GOLGA1: variants seen among roughly 807,000 people sequenced by gnomAD.
The protein encoded by GOLGA1 is golgin subfamily A member 1.
GOLGA1 carries 63 observed loss-of-function variants against 119.7 expected under a neutral mutation model. The ratio of observed to expected loss-of-function variants is 0.53; its 90% CI spans 0.43 to 0.65. GOLGA1 has a LOEUF of 0.65. Ranked by LOEUF, GOLGA1 falls within the 30% of genes least tolerant of loss-of-function variation. The probability of loss-of-function intolerance (pLI) is 0.00; values close to 1 mark genes in which losing one functional copy is unlikely to be tolerated. For synonymous variants in GOLGA1, 318 were observed against 333.4 expected (o/e 0.95, Z 0.50); for missense variants, 798 against 912.8 (o/e 0.87, Z 1.62).
intron 19 of GOLGA1, among the ~76,000 whole-genome samples, chr9:124,883,140 C>G (rs919150643): frequency 1.3e-5 from 2 of 151,932 alleles, no homozygotes; most frequent in Admixed American, 1.3e-4. Context: ...CACTCTGTTG[C>G]CCAGGCTGGA....
chr9:124,882,514 T>A lies in GOLGA1; in HGVS notation c.1961A>T (p.Glu654Val). 1.2e-6 allele frequency: 2 copies of A among 1,610,440 alleles called. No individual in the cohort carries two copies. The highest frequency in any genetic ancestry group is 1.1e-5 in the South Asian group (1 of 90,880). Residue 654 changes from glutamate (E) to valine (V), a missense_variant, in exon 20 of 23, where the codon GAG becomes GTG. Transcript: ENST00000373555. Reference sequence around the variant, plus strand: ...AGCTCCCATGCGAGTACTCACCAGCTCCTTCTGCAGAGTCTTCCGGAGCTC... The same window carrying A: ...AGCTCCCATGCGAGTACTCACCAGCACCTTCTGCAGAGTCTTCCGGAGCTC... ...MLELRKTLQK[E>V]LKIRPDNELF...
chr9:124,915,158 G>A (rs1395269339), intron 10 of GOLGA1, among the ~76,000 whole-genome samples: 1 of 152,098 alleles, frequency 6.6e-6, no homozygotes, highest in African/African-American at 2.4e-5. Context: ...TCTGGGTGGT[G>A]GTCACTTGAT....
Position 124,878,875 on chromosome 9 carries a change from C to G in GOLGA1, c.*1655G>C, listed in dbSNP as rs1406593236. ...TACTTTGAAAAAAGGCTACCTCTTA[C>G]CCATCAAACTTGCAGAACAGAAGAG... On this transcript the variant is annotated 3_prime_UTR_variant, in exon 23 of 23. Transcript: ENST00000373555. 2 of 152,216 alleles carry G rather than the reference C, an allele frequency of 1.3e-5. No individual in the cohort carries two copies. The highest frequency in any genetic ancestry group is 4.8e-5 in the African/African-American group (2 of 41,454). 9.4% of individuals were successfully genotyped at this position (152,216 alleles called of 1,614,324 possible).
intron 12 of GOLGA1, among the ~76,000 whole-genome samples, chr9:124,904,951 A>AT (rs1474837220): frequency 2.0e-5 from 3 of 147,658 alleles, no homozygotes; most frequent in Middle Eastern, 6.9e-3. Flanking sequence ...CTCAAAAAAA[A>AT]AAAATAAATA....
chr9:124,908,748 A>G (rs1041950940), intron 11 of GOLGA1, among the ~76,000 whole-genome samples: 10 of 152,262 alleles, frequency 6.6e-5, no homozygotes, highest in African/African-American at 1.9e-4. Context: ...ACAGGGTGGG[A>G]GATACTCCCT....
chr9:124,939,366 A>G (rs930215974), intron 2 of GOLGA1, among the ~76,000 whole-genome samples: 1 of 152,130 alleles, frequency 6.6e-6, no homozygotes, highest in Non-Finnish European at 1.5e-5. Flanking sequence ...AAAAGGTGTA[A>G]TATCCTACTG....
intron 10 of GOLGA1, among the ~76,000 whole-genome samples, chr9:124,915,021 G>A (rs902822210): frequency 1.4e-4 from 21 of 152,218 alleles, no homozygotes; most frequent in African/African-American, 4.6e-4. Flanking sequence ...TGTGGACTAC[G>A]GGAACAGTTA....
At chr9:124,904,954 A>T (rs1201601157) in intron 12 of GOLGA1, among the ~76,000 whole-genome samples, 1 of 148,598 alleles carries the variant, frequency 6.7e-6, no homozygotes, top group Non-Finnish European at 1.5e-5. Flanking sequence ...AAAAAAAAAA[A>T]ATAAATAAAA....
intron 12 of GOLGA1, among the ~76,000 whole-genome samples, chr9:124,903,350 T>C (rs189477884): frequency 1.3e-5 from 2 of 152,096 alleles, no homozygotes; most frequent in East Asian, 3.9e-4. Flanking sequence ...TGGTGGTCTA[T>C]ATGTGTAGTC....
At chr9:124,939,631 C>T (rs1373933999) in intron 2 of GOLGA1, among the ~76,000 whole-genome samples, 2 of 135,390 alleles carry the variant, frequency 1.5e-5, no homozygotes, top group East Asian at 2.3e-4. Context: ...GGCACTATCT[C>T]GGCTCACCGC....
intron 12 of GOLGA1, among the ~76,000 whole-genome samples, chr9:124,907,706 C>T (rs1396793347): frequency 6.6e-6 from 1 of 152,120 alleles, no homozygotes; most frequent in Non-Finnish European, 1.5e-5. Context: ...AAGACAAGGC[C>T]AAACTCATTA....
Position 124,881,187 on chromosome 9 carries a change from T to G in GOLGA1, c.2207A>C (p.Glu736Ala), listed in dbSNP as rs775049095. ...GAACCCTACCTTATATTCCAGAGTTTCCTTGAGCATGTTCTCCTCCTCTTG... is the reference window on the plus strand; with the variant it reads ...GAACCCTACCTTATATTCCAGAGTTGCCTTGAGCATGTTCTCCTCCTCTTG... ...FSQEEENMLK[E>A]TLEYKMSWFG... The change falls in exon 22 of 23, where the codon GAA (glutamate) becomes GCA (alanine). Residue 736 changes from glutamate to alanine, a missense_variant. Glu to Ala is a moderately radical substitution (Grantham distance 107). Coordinates refer to ENST00000373555, the MANE Select transcript of GOLGA1 (RefSeq NM_002077.4). The surrounding 1 kb of genome is among the most constrained non-coding windows in gnomAD (Gnocchi z 4.9). The G allele has an allele frequency of 3.2e-6, 5 of 1,559,346 alleles. No homozygotes were observed. The highest frequency in any genetic ancestry group is 2.2e-5 in the South Asian group (2 of 90,084).
At position 124,890,439 on chromosome 9, in the gene GOLGA1, C is replaced by T. The variant is rs1447868507; in HGVS notation, c.1447G>A (p.Ala483Thr). 6.2e-7 allele frequency: 1 copy of T among 1,613,932 alleles called. No homozygotes were observed. The highest frequency in any genetic ancestry group is 1.7e-5 in the Admixed American group (1 of 60,022). ...TTCCGCACCTCCTCCAGGGCTTGAG[C>T]CATGGCCACGCTCACAATTTCTCTT... The part of the protein sequence containing the change: ...SQREIVSVAM[A>T]QALEEVRKQR... Residue 483 changes from alanine to threonine, a missense_variant, in exon 16 of 23, where the codon GCT (alanine) becomes ACT (threonine). Transcript: ENST00000373555.
At chr9:124,934,969 C>T (rs557892027) in intron 3 of GOLGA1, among the ~76,000 whole-genome samples, 17 of 152,202 alleles carry the variant, frequency 1.1e-4, no homozygotes, top group Admixed American at 3.9e-4. Context: ...ATCGCTTGAG[C>T]CCAGGAGGTT....
Position 124,889,363 on chromosome 9 carries a change from G to A in GOLGA1, c.1601-60C>T. The A allele has an allele frequency of 1.9e-6, 3 of 1,599,254 alleles. No individual in the cohort carries two copies. In the South Asian group the frequency reaches 3.3e-5, roughly 18 times the overall value. The stretch of plus-strand genomic sequence containing the variant: ...CCCAGTGACTCCATGCTGCTTGGTG[G>A]CAAGGCCGTCACAAGGCAGGATGCT... On this transcript the variant is annotated intron_variant, in intron 17 of 22. Transcript: ENST00000373555.
intron 15 of GOLGA1, among the ~76,000 whole-genome samples, chr9:124,892,689 T>C (rs751417147): frequency 3.3e-5 from 5 of 152,184 alleles, no homozygotes; most frequent in South Asian, 2.1e-4. Flanking sequence ...TCCCAGCACT[T>C]TGGGAGGCAA....
chr9:124,900,362 C>A (rs567609836), intron 13 of GOLGA1, 90 bp downstream of exon 13: 162 of 726,402 alleles, frequency 2.2e-4, no homozygotes, highest in Non-Finnish European at 3.4e-4. Flanking sequence ...GGTACCGTTG[C>A]CGAAGTTCGG....
At chr9:124,911,755 A>G in intron 11 of GOLGA1, 146 bp downstream of exon 11, 1 of 666,664 alleles carries the variant, frequency 1.5e-6, no homozygotes, top group Non-Finnish European at 2.6e-6. Context: ...TTTCTGATGT[A>G]AGCAGGACAA....
At chr9:124,885,484 CAAAA>C (rs34466889) in intron 19 of GOLGA1, among the ~76,000 whole-genome samples, 16 of 97,904 alleles carry the variant, frequency 1.6e-4, no homozygotes, top group African/African-American at 4.3e-4. Context: ...GACTCTGTCT[CAAAA>C]AAAAAAAAAA....
Sources: allele counts gnomAD v4.1 joint callset (sites outside exome capture counted in the v4.1 genomes callset), GRCh38; gene constraint gnomAD v4.1.1; non-coding constraint Gnocchi (gnomAD v3.1); transcripts MANE v1.5; gene names NCBI Gene and HGNC (gene_info 2026-07-23, HGNC 2026-07-21).